MYO1D: variants seen among roughly 807,000 people sequenced by gnomAD.
MYO1D encodes unconventional myosin-Id.
A neutral mutation model predicts 122.0 loss-of-function variants in MYO1D; 83 were observed. The ratio of observed to expected loss-of-function variants is 0.68; its 90% CI spans 0.57 to 0.82. The LOEUF is 0.82. Among genes scored for constraint, MYO1D ranks in the 40% least tolerant of loss-of-function variants. The pLI, the probability that MYO1D is intolerant of heterozygous loss-of-function variation, is 0.00. For synonymous variants in MYO1D, 464 were observed against 446.9 expected (o/e 1.04, Z -0.48); for missense variants, 1,157 against 1,269.5 (o/e 0.91, Z 1.35).
At chr17:32,676,178 C>T (rs967151996) in intron 16 of MYO1D, among the ~76,000 whole-genome samples, 8 of 152,082 alleles carry the variant, frequency 5.3e-5, no homozygotes, top group African/African-American at 7.2e-5. Flanking sequence ...TTTGTATTTT[C>T]GGCTGCCACA....
At chr17:32,631,448 C>A (rs536389605) in intron 20 of MYO1D, among the ~76,000 whole-genome samples, 2 of 152,216 alleles carry the variant, frequency 1.3e-5, no homozygotes, top group East Asian at 3.9e-4. Context: ...GAGTTCCAGA[C>A]CAGCTTGGGC....
chr17:32,691,259 CAA>C (rs35755676), intron 16 of MYO1D, among the ~76,000 whole-genome samples: 183 of 121,908 alleles, frequency 1.5e-3, no homozygotes, highest in Admixed American at 1.9e-3. Context: ...GACACTGCCT[CAA>C]AAAAAAAAAA....
chr17:32,720,367 G>A (rs953025371), intron 15 of MYO1D, among the ~76,000 whole-genome samples: 22 of 151,974 alleles, frequency 1.4e-4, no homozygotes, highest in Non-Finnish European at 3.2e-4. Context: ...TAACCCTCTA[G>A]CAATGCTTCA....
chr17:32,643,954 C>T (rs1555635024), intron 19 of MYO1D, among the ~76,000 whole-genome samples: 1 of 152,144 alleles, frequency 6.6e-6, no homozygotes, highest in South Asian at 2.1e-4. Context: ...TTGCCTTCTG[C>T]TAGCTTTTGA....
intron 5 of MYO1D, among the ~76,000 whole-genome samples, chr17:32,771,975 G>A (rs1851975079): frequency 6.6e-6 from 1 of 152,078 alleles, no homozygotes; most frequent in Non-Finnish European, 1.5e-5. Context: ...TACTTAAAAA[G>A]TCTAATTATC....
chr17:32,858,975 T>C (rs2091048484), intron 1 of MYO1D, among the ~76,000 whole-genome samples: 1 of 152,230 alleles, frequency 6.6e-6, no homozygotes, highest in African/African-American at 2.4e-5. Flanking sequence ...CCGGCTCACC[T>C]TGTATTAATA....
At chr17:32,658,698 G>C (rs2088511177) in intron 17 of MYO1D, 1 of 173,574 alleles carries the variant, frequency 5.8e-6, no homozygotes, top group Admixed American at 5.8e-5. Context: ...GTAGGACCTG[G>C]GTGCTGGCAT....
At chr17:32,647,359 A>G (rs903196424) in intron 19 of MYO1D, among the ~76,000 whole-genome samples, 1 of 152,248 alleles carries the variant, frequency 6.6e-6, no homozygotes, top group African/African-American at 2.4e-5. Context: ...TTTAAGCTAT[A>G]GGGTGAACAA....
At chr17:32,625,617 T>A (rs1195196340) in intron 20 of MYO1D, among the ~76,000 whole-genome samples, 1 of 152,122 alleles carries the variant, frequency 6.6e-6, no homozygotes, top group East Asian at 1.9e-4. Context: ...TGGTGCGATC[T>A]TAGCTTACTG....
intron 21 of MYO1D, among the ~76,000 whole-genome samples, chr17:32,603,358 T>C (rs966970228): frequency 6.6e-6 from 1 of 152,088 alleles, no homozygotes; most frequent in African/African-American, 2.4e-5. Context: ...CAAAAACTCT[T>C]GCATTCATTA....
chr17:32,715,964 C>A (rs536710090), intron 15 of MYO1D, among the ~76,000 whole-genome samples: 91 of 152,324 alleles, frequency 6.0e-4, no homozygotes, highest in African/African-American at 2.0e-3. Flanking sequence ...AATTCAAAGG[C>A]AAGCCACCTT....
intron 21 of MYO1D, among the ~76,000 whole-genome samples, chr17:32,595,820 G>A (rs141034602): frequency 4.2e-4 from 64 of 152,314 alleles, no homozygotes; most frequent in African/African-American, 1.5e-3. Context: ...CAGCATGTCA[G>A]GTGGAGTTGA....
intron 17 of MYO1D, among the ~76,000 whole-genome samples, chr17:32,657,449 A>G (rs925809543): frequency 6.6e-6 from 1 of 152,256 alleles, no homozygotes; most frequent in African/African-American, 2.4e-5. Context: ...AGAATATGTG[A>G]CAGAGACCAT....
intron 4 of MYO1D, 47 bp downstream of exon 4, chr17:32,775,817 A>T: frequency 6.9e-7 from 1 of 1,451,170 alleles, no homozygotes; most frequent in Non-Finnish European, 9.4e-7. Flanking sequence ...ATTTGTTTAA[A>T]CATTCAGCAC....
At chr17:32,646,531 CAT>C (rs1167558019) in intron 19 of MYO1D, among the ~76,000 whole-genome samples, 1 of 151,932 alleles carries the variant, frequency 6.6e-6, no homozygotes, top group Non-Finnish European at 1.5e-5. Context: ...TACTGAAAAA[CAT>C]ATGAGTGTAG....
At chr17:32,496,861 C>T (rs944611705) in intron 21 of MYO1D, 4 of 152,290 alleles carry the variant, frequency 2.6e-5, no homozygotes, top group Admixed American at 2.6e-4. Flanking sequence ...CACCTGGTGA[C>T]TCAGTCTGAG....
At chr17:32,778,629 A>C (rs1195477002) in intron 2 of MYO1D, 56 bp from the exon 3 acceptor site, 2 of 1,396,102 alleles carry the variant, frequency 1.4e-6, no homozygotes, top group South Asian at 1.2e-5. Flanking sequence ...AGAGTAAGCT[A>C]ATTTTTAATA....
chr17:32,876,036 A>T (rs1187364689), intron 1 of MYO1D, among the ~76,000 whole-genome samples: 2 of 152,228 alleles, frequency 1.3e-5, no homozygotes, highest in Non-Finnish European at 2.9e-5. Flanking sequence ...GTTCTCAAGG[A>T]TGTTAATAAC....
At chr17:32,542,613 T>TAAAAAAAAAAAAAAAAAAAAAAAAA (rs67238143) in intron 21 of MYO1D, among the ~76,000 whole-genome samples, 2 of 124,882 alleles carry the variant, frequency 1.6e-5, no homozygotes, top group Non-Finnish European at 1.7e-5. Context: ...GAGGTAACGC[T>TAAAAAAAAAAAAAAAAAAAAAAAAA]AAAAAAAAAA....
Sources: gnomAD v4.1 joint callset for allele counts (sites outside exome capture counted in the v4.1 genomes callset) on GRCh38, gnomAD v4.1.1 for gene constraint, MANE v1.5 for transcripts, NCBI Gene and HGNC (gene_info 2026-07-23, HGNC 2026-07-21) for gene names.